The following CFAP20DC variants were observed in gnomAD, a reference collection of about 807,000 sequenced individuals.
The protein encoded by CFAP20DC is protein CFAP20DC.
In CFAP20DC, 84 loss-of-function variants were observed where a neutral mutation model predicts 101.7. The ratio of observed to expected loss-of-function variants is 0.83; its 90% CI spans 0.69 to 0.99. The LOEUF (loss-of-function observed/expected upper bound fraction) is 0.99, where lower values mean the gene tolerates loss of function less well. CFAP20DC is among the 50% of genes least tolerant of loss of function. The pLI is 0.00. For synonymous variants in CFAP20DC, 359 were observed against 351.2 expected, an observed-to-expected ratio of 1.02 and a Z score of -0.25; for missense variants, 1,007 against 970.3, an observed-to-expected ratio of 1.04 and a Z score of -0.50.
chr3:58,756,268 T>G (rs1260671508), intron 15 of CFAP20DC, among the ~76,000 whole-genome samples: 2 of 152,022 alleles, frequency 1.3e-5, no homozygotes, highest in East Asian at 3.9e-4. Context: ...CTCAAGATAT[T>G]TACCTACTTC....
intron 4 of CFAP20DC, among the ~76,000 whole-genome samples, chr3:58,947,563 AT>A (rs993072735): frequency 4.7e-4 from 71 of 152,310 alleles, no homozygotes; most frequent in African/African-American, 1.5e-3. Context: ...CTTCTGCTTC[AT>A]GTGTACTTCA....
chr3:58,926,774 T>C (rs764928934), intron 5 of CFAP20DC, among the ~76,000 whole-genome samples: 1 of 152,202 alleles, frequency 6.6e-6, no homozygotes. Flanking sequence ...AGTAATTTTA[T>C]CCATTTAAAT....
intron 4 of CFAP20DC, among the ~76,000 whole-genome samples, chr3:58,992,082 C>T (rs1236395805): frequency 6.6e-6 from 1 of 152,028 alleles, no homozygotes; most frequent in Non-Finnish European, 1.5e-5. Flanking sequence ...CATTGTTATC[C>T]TCATTTTACC....
rs145566922 is a variant in CFAP20DC at position 58,734,247 on chromosome 3, C to T, written c.198-16619G>A. 7.3e-3 allele frequency among the ~76,000 whole-genome samples: 1,107 copies of T among 152,248 alleles called. 10 individuals carry two copies. Among genetic ancestry groups the T allele is most frequent in the South Asian group, 0.025 (120 of 4,816 alleles). On this transcript the variant is annotated intron_variant, in intron 3 of 3. Transcript: ENST00000486145. ...CATGCTTCCTGTACAGCCTGCAGAA[C>T]GGTGAGTTAATTAAATTTCTTTTAT... is the stretch of plus-strand genomic sequence containing the variant.
chr3:58,950,200 A>T (rs934452652), intron 4 of CFAP20DC, among the ~76,000 whole-genome samples: 3 of 151,818 alleles, frequency 2.0e-5, no homozygotes, highest in African/African-American at 7.3e-5. Flanking sequence ...AATACCTAGG[A>T]TCCAACTTAC....
chr3:58,891,193 C>A (rs1196048475), intron 6 of CFAP20DC, among the ~76,000 whole-genome samples: 1 of 152,064 alleles, frequency 6.6e-6, no homozygotes, highest in South Asian at 2.1e-4. Flanking sequence ...GAGGCCGAGG[C>A]TGGCGGATCA....
intron 5 of CFAP20DC, among the ~76,000 whole-genome samples, chr3:58,936,945 T>A (rs1458440318): frequency 3.1e-5 from 4 of 130,540 alleles, no homozygotes; most frequent in East Asian, 2.5e-4. Context: ...TAAAAAAAAA[T>A]AAATTTAAGC....
chr3:58,751,028 C>T (rs1213034517), intron 16 of CFAP20DC, among the ~76,000 whole-genome samples: 1 of 151,874 alleles, frequency 6.6e-6, no homozygotes, highest in Non-Finnish European at 1.5e-5. Context: ...TACTTTTTTC[C>T]CCCACGCTTG....
intron 15 of CFAP20DC, among the ~76,000 whole-genome samples, chr3:58,798,908 T>C (rs984598756): frequency 6.6e-6 from 1 of 152,226 alleles, no homozygotes; most frequent in Non-Finnish European, 1.5e-5. Flanking sequence ...ATGTATATTG[T>C]TCTTTTTAGG....
intron 5 of CFAP20DC, among the ~76,000 whole-genome samples, chr3:58,933,063 A>C (rs886155649): frequency 1.3e-5 from 2 of 152,170 alleles, no homozygotes; most frequent in African/African-American, 4.8e-5. Context: ...CTCAAAATAA[A>C]AGGATGGAGG....
At chr3:58,753,416 G>C (rs116637218) in intron 16 of CFAP20DC, among the ~76,000 whole-genome samples, 6 of 152,128 alleles carry the variant, frequency 3.9e-5, no homozygotes, top group African/African-American at 1.2e-4. Flanking sequence ...ACTATTATTC[G>C]TGTTATTTTA....
chr3:58,921,565 G>C (rs1046660933), intron 5 of CFAP20DC, among the ~76,000 whole-genome samples: 1 of 151,792 alleles, frequency 6.6e-6, no homozygotes. Context: ...CTTTTTTATT[G>C]ATACATAATT....
intron 4 of CFAP20DC, among the ~76,000 whole-genome samples, chr3:58,967,454 T>TA (rs1321899972): frequency 6.6e-6 from 1 of 152,092 alleles, no homozygotes; most frequent in East Asian, 1.9e-4. Context: ...TCAGGATAGG[T>TA]AGTAGTTTCT....
intron 14 of CFAP20DC, among the ~76,000 whole-genome samples, chr3:58,808,580 G>C (rs1466432688): frequency 6.6e-6 from 1 of 152,158 alleles, no homozygotes; most frequent in Non-Finnish European, 1.5e-5. Flanking sequence ...AACATGGAAA[G>C]GACCAACCAG....
At chr3:59,021,630 G>C (rs1200786690) in intron 4 of CFAP20DC, among the ~76,000 whole-genome samples, 1 of 152,090 alleles carries the variant, frequency 6.6e-6, no homozygotes, top group African/African-American at 2.4e-5. Flanking sequence ...CTCTGAACCA[G>C]CAGCTACACA....
chr3:58,988,155 T>C (rs888934287), intron 4 of CFAP20DC, among the ~76,000 whole-genome samples: 1 of 152,136 alleles, frequency 6.6e-6, no homozygotes, highest in African/African-American at 2.4e-5. Context: ...TGAGAATATC[T>C]GTAATGTCAT....
intron 15 of CFAP20DC, among the ~76,000 whole-genome samples, chr3:58,777,131 T>C (rs1309831734): frequency 6.6e-6 from 1 of 152,222 alleles, no homozygotes; most frequent in Non-Finnish European, 1.5e-5. Context: ...GAACTCAAAG[T>C]CATTCTTCTG....
At chr3:58,980,331 G>T (rs1000623826) in intron 4 of CFAP20DC, among the ~76,000 whole-genome samples, 1 of 152,124 alleles carries the variant, frequency 6.6e-6, no homozygotes, top group Non-Finnish European at 1.5e-5. Context: ...CAGAAAAAGA[G>T]GGAATCCTCC....
chr3:58,871,666 C>T (rs1242656760), intron 7 of CFAP20DC, among the ~76,000 whole-genome samples: 1 of 151,682 alleles, frequency 6.6e-6, no homozygotes, highest in Non-Finnish European at 1.5e-5. Flanking sequence ...GTAGCTGGGA[C>T]TAGAGGTACA....
Sources: gnomAD v4.1 joint callset for allele counts (sites outside exome capture counted in the v4.1 genomes callset) on GRCh38, gnomAD v4.1.1 for gene constraint, MANE v1.5 for transcripts, NCBI Gene and HGNC (gene_info 2026-07-23, HGNC 2026-07-21) for gene names.